Variants in PPM1H observed in about 807,000 individuals in gnomAD.
The protein encoded by PPM1H is protein phosphatase, Mg2+/Mn2+ dependent 1H, also known as protein phosphatase 1H.
A neutral mutation model predicts 54.9 loss-of-function variants in PPM1H; 27 were observed. The observed-to-expected ratio is 0.49, with a 90% CI of 0.36 to 0.68. The LOEUF is 0.68. Among genes scored for constraint, PPM1H ranks in the 30% least tolerant of loss-of-function variants. PPM1H has a pLI of 0.00. For synonymous variants in PPM1H, 305 were observed against 270.8 expected (o/e 1.13, Z -1.24); for missense variants, 596 against 667.8 (o/e 0.89, Z 1.19).
intron 6 of PPM1H, among the ~76,000 whole-genome samples, chr12:62,700,206 T>A (rs561078499): frequency 3.3e-5 from 5 of 152,310 alleles, no homozygotes; most frequent in African/African-American, 1.2e-4. Context: ...GATTCCTCGC[T>A]TTAAAACTCC....
At chr12:62,870,868 A>G (rs1235995289) in intron 1 of PPM1H, among the ~76,000 whole-genome samples, 2 of 152,238 alleles carry the variant, frequency 1.3e-5, no homozygotes, top group East Asian at 3.8e-4. Context: ...ATGAAATACC[A>G]CTTCACACCC....
chr12:62,799,677 A>T lies in PPM1H; in HGVS notation c.756+2139T>A, dbSNP rs144059512. On this transcript the variant is annotated intron_variant, in intron 3 of 9. Transcript: ENST00000228705. ...TCTTTTCCAGCCTCCTGGTATTTTC[A>T]TTGGGATTGCAGGGTTGCAGGCTAT... 2.4e-3 allele frequency among the ~76,000 whole-genome samples: 364 copies of T among 152,122 alleles called. 7 individuals carry two copies. The highest frequency in any genetic ancestry group is 0.019 in the Admixed American group (285 of 15,276).
At chr12:62,747,108 T>C (rs962644779) in intron 4 of PPM1H, among the ~76,000 whole-genome samples, 4 of 151,208 alleles carry the variant, frequency 2.6e-5, no homozygotes, top group Admixed American at 2.6e-4. Flanking sequence ...TGTGCCACCA[T>C]GCCTGGTTAA....
At chr12:62,774,418 T>G (rs2076597683) in intron 4 of PPM1H, among the ~76,000 whole-genome samples, 1 of 152,164 alleles carries the variant, frequency 6.6e-6, no homozygotes, top group South Asian at 2.1e-4. Context: ...CAAGGTTCAT[T>G]GCAGCCTCAG....
At chr12:62,920,823 C>T (rs1871773471) in intron 1 of PPM1H, among the ~76,000 whole-genome samples, 1 of 152,078 alleles carries the variant, frequency 6.6e-6, no homozygotes, top group Non-Finnish European at 1.5e-5. Context: ...TCAACATTCA[C>T]CTTTTCAAAA....
At chr12:62,789,211 C>T (rs1347950101) in intron 3 of PPM1H, among the ~76,000 whole-genome samples, 3 of 151,734 alleles carry the variant, frequency 2.0e-5, no homozygotes, top group African/African-American at 7.3e-5. Context: ...GACAGGGTCT[C>T]ACTATGTTGC....
At chr12:62,836,041 T>C (rs956143371) in intron 1 of PPM1H, among the ~76,000 whole-genome samples, 1 of 152,218 alleles carries the variant, frequency 6.6e-6, no homozygotes, top group Non-Finnish European at 1.5e-5. Context: ...CACCACTCCA[T>C]TGCTGTATGC....
intron 1 of PPM1H, among the ~76,000 whole-genome samples, chr12:62,908,037 A>G (rs1452428768): frequency 6.6e-6 from 1 of 152,244 alleles, no homozygotes; most frequent in Admixed American, 6.5e-5. Context: ...ACAAGATTAA[A>G]AAGTATTGAC....
intron 1 of PPM1H, among the ~76,000 whole-genome samples, chr12:62,890,287 C>A (rs1017167066): frequency 2.0e-5 from 3 of 152,094 alleles, no homozygotes; most frequent in Non-Finnish European, 4.4e-5. Flanking sequence ...ATTGGTGCAA[C>A]CCCATCTTAC....
At chr12:62,665,193 A>G (rs978690779) in intron 9 of PPM1H, among the ~76,000 whole-genome samples, 1 of 152,004 alleles carries the variant, frequency 6.6e-6, no homozygotes, top group African/African-American at 2.4e-5. Context: ...AATTACACAC[A>G]TGCATCACCA....
intron 9 of PPM1H, among the ~76,000 whole-genome samples, chr12:62,654,693 T>C (rs986125575): frequency 6.6e-6 from 1 of 152,220 alleles, no homozygotes; most frequent in African/African-American, 2.4e-5. Flanking sequence ...CAGCAAGAAC[T>C]GAGTTGCTGC....
chr12:62,858,429 C>T (rs1869473958), intron 1 of PPM1H, among the ~76,000 whole-genome samples: 1 of 150,780 alleles, frequency 6.6e-6, no homozygotes. Context: ...CCAAGTGTAA[C>T]TGCAAAGAGG....
intron 4 of PPM1H, among the ~76,000 whole-genome samples, chr12:62,774,296 T>C (rs568746617): frequency 5.3e-5 from 8 of 152,212 alleles, no homozygotes; most frequent in Non-Finnish European, 1.0e-4. Flanking sequence ...GTTTTTTCCA[T>C]TGCTGTCTCA....
rs147795622 is a variant in PPM1H, at chr12:62,757,988, C to T, written c.870-20402G>A. Among the ~76,000 whole-genome samples, 1,122 of 152,256 alleles carry T rather than the reference C, an allele frequency of 7.4e-3. 14 individuals carry two copies. The highest frequency in any genetic ancestry group is 8.3e-3 in the Non-Finnish European group (563 of 68,026). ...GTGAGGTTTAGAAGGAATTAGAAAGCGCAGTAATAGAGACAGTCATTGTAA... is the reference window on the plus strand; with the variant it reads ...GTGAGGTTTAGAAGGAATTAGAAAGTGCAGTAATAGAGACAGTCATTGTAA... On this transcript the variant is annotated intron_variant, in intron 4 of 9. Transcript: ENST00000228705.
At chr12:62,856,835 A>G (rs1230126124) in intron 1 of PPM1H, among the ~76,000 whole-genome samples, 1 of 152,194 alleles carries the variant, frequency 6.6e-6, no homozygotes, top group African/African-American at 2.4e-5. Context: ...ATAACAATGG[A>G]TGGGATCTTG....
At chr12:62,693,195 T>A (rs186220983) in intron 7 of PPM1H, among the ~76,000 whole-genome samples, 5 of 152,296 alleles carry the variant, frequency 3.3e-5, no homozygotes, top group African/African-American at 9.6e-5. Context: ...CTTCTTGCTC[T>A]CCACTCCAGG....
chr12:62,704,981 G>A (rs1329732543), intron 6 of PPM1H, among the ~76,000 whole-genome samples: 1 of 152,144 alleles, frequency 6.6e-6, no homozygotes, highest in Non-Finnish European at 1.5e-5. Context: ...CTTCTCACCA[G>A]GCCTATGGAA....
At chr12:62,843,370 A>G (rs1280706158) in intron 1 of PPM1H, among the ~76,000 whole-genome samples, 1 of 152,174 alleles carries the variant, frequency 6.6e-6, no homozygotes, top group Non-Finnish European at 1.5e-5. Flanking sequence ...ATACTTAACA[A>G]CTTAATGCTT....
At chr12:62,682,827 G>A (rs2076027018) in intron 8 of PPM1H, among the ~76,000 whole-genome samples, 1 of 148,360 alleles carries the variant, frequency 6.7e-6, no homozygotes, top group Non-Finnish European at 1.5e-5. Flanking sequence ...TTTTTCATGG[G>A]GAGGGGTGGT....
Sources: allele counts gnomAD v4.1 joint callset (sites outside exome capture counted in the v4.1 genomes callset), GRCh38; gene constraint gnomAD v4.1.1; transcripts MANE v1.5; gene names NCBI Gene and HGNC (gene_info 2026-07-23, HGNC 2026-07-21).